Variants in DDX51 observed in about 807,000 individuals in gnomAD.
DDX51 encodes the protein ATP-dependent RNA helicase DDX51.
Under a neutral mutation model 74.6 loss-of-function variants are expected in DDX51, and 67 were observed. That is an observed-to-expected ratio of 0.90 (90% CI 0.74 to 1.10). The LOEUF is 1.10. Ranked by LOEUF, DDX51 falls within the 50% of genes least tolerant of loss-of-function variation. The pLI, the probability that DDX51 is intolerant of heterozygous loss-of-function variation, is 0.00. For missense variants in DDX51, 1,056 were observed against 905.2 expected (o/e 1.17, Z -2.14); for synonymous variants, 545 against 402.9 (o/e 1.35, Z -4.22).
Position 132,143,018 on chromosome 12 carries a change from C to T in DDX51, c.520-140G>A, listed in dbSNP as rs1037216238. On this transcript the variant is annotated intron_variant, in intron 2 of 14. Transcript: ENST00000397333. ...CCTTCTCAGCCCCAGGATGCGCTTT[C>T]CATACAGCCTTCAGAAGTTAAACAG... The T allele has an allele frequency of 2.0e-5, 22 of 1,101,328 alleles. No individual in the cohort carries two copies. The African/African-American group carries it at 3.4e-4, about 17-fold the overall frequency. The allele number at this position is 1,101,328 out of a possible 1,614,324, so 68.2% of individuals were successfully genotyped here. A position where few individuals can be genotyped will look rare whatever the true frequency, so the allele number is the denominator to read the frequency against.
intron 3 of DDX51, 121 bp downstream of exon 3, chr12:132,142,607 G>C (rs1013063977): frequency 1.5e-5 from 23 of 1,492,990 alleles, no homozygotes; most frequent in Admixed American, 2.0e-5. Flanking sequence ...ATGAGCTTGA[G>C]AGTGCTGAGA....
chr12:132,141,391 G>C lies in DDX51; in HGVS notation c.1134C>G (p.Asp378Glu). ...GCGGCAGCCAGGACTGATGCATGCT[G>C]TCAATCATCCGGTCAGCCTCGTCGA... Reference protein sequence around the residue: ...LIIDEADRMIDSMHQSWLPRV... With the variant: ...LIIDEADRMIESMHQSWLPRV... Residue 378 changes from aspartate (D) to glutamate (E), a missense_variant, in exon 8 of 15, where the codon GAC (aspartate) becomes GAG (glutamate). Transcript: ENST00000397333. The C allele has an allele frequency of 6.3e-7, 1 of 1,597,374 alleles. No homozygotes were observed. Among genetic ancestry groups the C allele is most frequent in the Non-Finnish European group, 8.5e-7 (1 of 1,179,008 alleles).
intron 1 of DDX51, 32 bp from the exon 2 acceptor site, chr12:132,143,941 C>A (rs1897591809): frequency 4.1e-6 from 6 of 1,481,458 alleles, no homozygotes; most frequent in Middle Eastern, 2.2e-4. Flanking sequence ...GGCAGCGCGT[C>A]AGCACCGAGT....
At position 132,144,305 on chromosome 12, in the gene DDX51, G is replaced by A. The variant is rs780998175; in HGVS notation, c.-9C>T. On this transcript the variant is annotated 5_prime_UTR_variant, in exon 1 of 15. Transcript: ENST00000397333. ...ACGTAGAACAGCGCCATGGCCAGCC[G>A]CACGCCTGGGACTCGGGCGTGGCGC... is the stretch of plus-strand genomic sequence containing the variant. 4.1e-5 allele frequency: 55 copies of A among 1,334,478 alleles called. No homozygotes were observed. The highest frequency in any genetic ancestry group is 5.2e-5 in the Non-Finnish European group (54 of 1,046,484). 82.7% of individuals were successfully genotyped at this position (1,334,478 alleles called of 1,614,324 possible). A position where few individuals can be genotyped will look rare whatever the true frequency, so the allele number is the denominator to read the frequency against.
In DDX51 at chr12:132,136,743, G is replaced by A. The variant is rs576325129; in HGVS notation, c.*2529C>T. 11 of 152,274 alleles carry A rather than the reference G, an allele frequency of 7.2e-5. No homozygotes were observed. The South Asian group carries it at 2.3e-3, about 32-fold the overall frequency. The allele number at this position is 152,274 out of a possible 1,614,324, so 9.4% of individuals were successfully genotyped here. ...TGCAGTGGGCTGATCTTGGCCCACT[G>A]CAACCTCCACCTCCCGGGCAAGTGA... On this transcript the variant is annotated 3_prime_UTR_variant, in exon 15 of 15. Coordinates refer to ENST00000397333, the MANE Select transcript of DDX51 (RefSeq NM_175066.4).
In DDX51 at chr12:132,140,746, G is replaced by A. The variant is rs371028064; in HGVS notation, c.1441-11C>T. ...GGGCACGTAGTGGTGCTACAGGGAC[G>A]GCAGGGGGTCGGGGTGGAGGTGAGG... On this transcript the variant is annotated splice_polypyrimidine_tract_variant and intron_variant, in intron 9 of 14. Transcript: ENST00000397333. 7.5e-5 allele frequency: 121 copies of A among 1,612,920 alleles called. No individual in the cohort carries two copies. The highest frequency in any genetic ancestry group is 8.8e-5 in the Non-Finnish European group (104 of 1,180,008).
In DDX51 at chr12:132,144,292, G is replaced by A. The variant is rs1283006692; in HGVS notation, c.5C>T (p.Ala2Val). 1.1e-5 allele frequency: 15 copies of A among 1,332,570 alleles called. No homozygotes were observed. Among genetic ancestry groups the A allele is most frequent in the South Asian group, 5.7e-5 (3 of 52,496 alleles). The allele number at this position is 1,332,570 out of a possible 1,614,324, so 82.5% of individuals were successfully genotyped here. ...CGGGTACCGCGCGACGTAGAACAGC[G>A]CCATGGCCAGCCGCACGCCTGGGAC... M[A>V]LFYVARYPGP... The change falls in exon 1 of 15, where the codon GCG becomes GTG. Residue 2 changes from alanine (A) to valine (V), a missense_variant. Ala to Val is a moderately conservative substitution (Grantham distance 64). Transcript: ENST00000397333.
chr12:132,139,982 A>T (rs1897383147), intron 12 of DDX51, 58 bp from the exon 13 acceptor site: 1 of 1,610,936 alleles, frequency 6.2e-7, no homozygotes, highest in Non-Finnish European at 8.5e-7. Flanking sequence ...AGTCTGACGG[A>T]ACGACAGCTT....
chr12:132,141,315 G>C lies in DDX51; in HGVS notation c.1210C>G (p.Leu404Val), dbSNP rs199532724. Residue 404 changes from leucine (L) to valine (V), a missense_variant, in exon 8 of 15, where the codon CTG becomes GTG. By Grantham distance (32) the Leu-to-Val change is conservative. Coordinates refer to ENST00000397333, the MANE Select transcript of DDX51 (RefSeq NM_175066.4). ...QSEDPADPCA[L>V]LQRRQAQAVT... ...GCCTGGGCCTGCCTTCGCTGGAGCA[G>C]GGCACAGGGGTCCGCGGGGTCCTCG... 33 of 1,598,616 alleles carry C rather than the reference G, an allele frequency of 2.1e-5. No individual in the cohort carries two copies. In the African/African-American group the frequency reaches 3.7e-4, roughly 18 times the overall value.
chr12:132,144,288 C>G lies in DDX51; in HGVS notation c.9G>C (p.Leu3=). The G allele has an allele frequency of 1.5e-6, 2 of 1,324,996 alleles. No individual in the cohort carries two copies. Among genetic ancestry groups the G allele is most frequent in the Non-Finnish European group, 1.9e-6 (2 of 1,040,888 alleles). 82.1% of individuals were successfully genotyped at this position (1,324,996 alleles called of 1,614,324 possible). A position where few individuals can be genotyped will look rare whatever the true frequency, so the allele number is the denominator to read the frequency against. MA[L]FYVARYPGPD... ...GGCCCGGGTACCGCGCGACGTAGAA[C>G]AGCGCCATGGCCAGCCGCACGCCTG... The change falls in exon 1 of 15, where the codon CTG becomes CTC. Residue 3 remains leucine, a synonymous_variant. Coordinates refer to ENST00000397333, the MANE Select transcript of DDX51 (RefSeq NM_175066.4).
rs756804939 is a variant in DDX51, at chr12:132,141,942, GA to G, written c.902del (p.Phe301SerfsTer10). Reference sequence around the variant, plus strand: ...GAGGTGTGGCATCTGTGTAGATGTTGAAAACTTTGCTCACCTGCAGGAGAAG... The same window carrying G: ...GAGGTGTGGCATCTGTGTAGATGTTGAAACTTTGCTCACCTGCAGGAGAAG... ...KELAQQVSKV[F>X]NIYTDATPLR... On this transcript the variant is annotated frameshift_variant, in exon 6 of 15. Transcript: ENST00000397333. LOFTEE classifies it high-confidence loss of function. The G allele has an allele frequency of 6.2e-7, 1 of 1,613,060 alleles. No homozygotes were observed.
rs1326393934 is a variant in DDX51, at chr12:132,144,153, C to T, written c.144G>A (p.Gln48=). ...CCGCCTCGGTCTGCGCGGGCTCCCG[C>T]TGCTGCTGCCGTTCGCGGGCCCGGC... is the stretch of plus-strand genomic sequence containing the variant. ...LQSRARERQQ[Q]REPAQTEAAA... The change falls in exon 1 of 15, where the codon CAG becomes CAA. Residue 48 remains glutamine (Q), a synonymous_variant. Transcript: ENST00000397333. The T allele has an allele frequency of 1.5e-5, 18 of 1,180,942 alleles. No homozygotes were observed. The highest frequency in any genetic ancestry group is 1.9e-5 in the Non-Finnish European group (18 of 955,910). The allele number at this position is 1,180,942 out of a possible 1,614,324, so 73.2% of individuals were successfully genotyped here.
intron 9 of DDX51, 47 bp downstream of exon 9, chr12:132,140,784 C>T: frequency 1.9e-6 from 3 of 1,613,026 alleles, no homozygotes; most frequent in Non-Finnish European, 2.5e-6. Flanking sequence ...TGGTTAGGGG[C>T]CCCAGGTTCC....
rs575878573 is a variant in DDX51 at position 132,142,871 on chromosome 12, G to C, written c.527C>G (p.Pro176Arg). The part of the protein sequence containing the change: ...FGKRKAPKVQ[P>R]FLPRWLAEPN... ...CTCAGCCAGCCACCTTGGCAGGAAA[G>C]GCTGGACCTGCCATCAAAAAGAAAG... The change falls in exon 3 of 15, where the codon CCT (proline) becomes CGT (arginine). Residue 176 changes from proline to arginine, a missense_variant. Coordinates refer to ENST00000397333, the MANE Select transcript of DDX51 (RefSeq NM_175066.4). 4.3e-6 allele frequency: 7 copies of C among 1,612,726 alleles called. No homozygotes were observed. The African/African-American group carries it at 6.7e-5, about 15-fold the overall frequency.
At position 132,143,563 on chromosome 12, in the gene DDX51, G is replaced by A. The variant is rs1897566364; in HGVS notation, c.519+132C>T. On this transcript the variant is annotated intron_variant, in intron 2 of 14. Transcript: ENST00000397333. The stretch of plus-strand genomic sequence containing the variant: ...CAGACCCCTAGGCGATGAAACTGCA[G>A]ACCTGGCAGCGAGGCGCGGCTGTGA... The A allele has an allele frequency of 4.9e-6, 6 of 1,231,066 alleles. No homozygotes were observed. The East Asian group carries it at 1.4e-4, about 28-fold the overall frequency. The allele number at this position is 1,231,066 out of a possible 1,614,324, so 76.3% of individuals were successfully genotyped here.
rs1210980829 is a variant in DDX51, at chr12:132,139,156, G to A, written c.*116C>T. On this transcript the variant is annotated 3_prime_UTR_variant, in exon 15 of 15. Coordinates refer to ENST00000397333, the MANE Select transcript of DDX51 (RefSeq NM_175066.4). ...CAGAGACCACGTGCTTGGGGAGGAA[G>A]GCTGTGTCCACTGGGGGATTCCTTT... is the stretch of plus-strand genomic sequence containing the variant. 6.9e-7 allele frequency: 1 copy of A among 1,450,290 alleles called. No individual in the cohort carries two copies. Among genetic ancestry groups the A allele is most frequent in the Non-Finnish European group, 9.3e-7 (1 of 1,073,758 alleles). 89.8% of individuals were successfully genotyped at this position (1,450,290 alleles called of 1,614,324 possible).
chr12:132,141,445 C>A, intron 7 of DDX51, 25 bp from the exon 8 acceptor site: 1 of 1,583,750 alleles, frequency 6.3e-7, no homozygotes, highest in Non-Finnish European at 8.6e-7. Context: ...GAGCCCGGGA[C>A]TGGGTGGCGC....
Position 132,142,160 on chromosome 12 carries a change from G to A in DDX51, c.847C>T (p.Arg283Cys), listed in dbSNP as rs752191507. 16 of 1,553,442 alleles carry A rather than the reference G, an allele frequency of 1.0e-5. No homozygotes were observed. The highest frequency in any genetic ancestry group is 5.5e-5 in the African/African-American group (4 of 73,356). ...TTGGTGGGCAGCACAACCAGGGCAC[G>A]GATGTGGCAGACCACTCTCGAAAGC... ...ALLSRVVCHI[R>C]ALVVLPTKEL... is the part of the protein sequence containing the mutation. Residue 283 changes from arginine (R) to cysteine (C), a missense_variant, in exon 5 of 15, where the codon CGT becomes TGT. Transcript: ENST00000397333.
At chr12:132,143,524 G>A (rs1305658751) in intron 2 of DDX51, 171 bp downstream of exon 2, 2 of 847,114 alleles carry the variant, frequency 2.4e-6, no homozygotes, top group East Asian at 3.0e-5. Context: ...CGGGAGCTCT[G>A]CACGTGCAGG....
Sources: gnomAD v4.1 joint callset for allele counts on GRCh38, gnomAD v4.1.1 for gene constraint, MANE v1.5 for transcripts, NCBI Gene and HGNC (gene_info 2026-07-23, HGNC 2026-07-21) for gene names.